The following NRXN3 variants were observed in gnomAD, a reference collection of about 807,000 sequenced individuals.
NRXN3 encodes the protein neurexin III.
Under a neutral mutation model 137.6 loss-of-function variants are expected in NRXN3, and 32 were observed. The observed-to-expected ratio is 0.23, with a 90% confidence interval of 0.18 to 0.31. NRXN3 has a LOEUF of 0.31. NRXN3 is among the 10% of genes least tolerant of loss of function. NRXN3 has a pLI of 1.00. For synonymous variants in NRXN3, 798 were observed against 784.5 expected (o/e 1.02, Z -0.29); for missense variants, 1,574 against 2,062.5 (o/e 0.76, Z 4.59).
intron 17 of NRXN3, among the ~76,000 whole-genome samples, chr14:79,672,129 A>G (rs1334218825): frequency 6.6e-6 from 1 of 152,050 alleles, no homozygotes; most frequent in Non-Finnish European, 1.5e-5. Flanking sequence ...TGTTGAGCAA[A>G]AGAATAATTT....
chr14:78,851,817 A>G (rs1018775741), intron 10 of NRXN3, among the ~76,000 whole-genome samples: 4 of 152,204 alleles, frequency 2.6e-5, no homozygotes, highest in Non-Finnish European at 5.9e-5. Context: ...GCAGAACTGT[A>G]TTTTAAATAT....
At chr14:78,403,957 A>G (rs1598299134) in intron 4 of NRXN3, 1 of 877,346 alleles carries the variant, frequency 1.1e-6, no homozygotes, top group African/African-American at 1.8e-5. Flanking sequence ...TTTGCCTTAC[A>G]TTGGATGTAT....
At chr14:78,201,184 G>T (rs1025596374) in intron 1 of NRXN3, among the ~76,000 whole-genome samples, 2 of 152,186 alleles carry the variant, frequency 1.3e-5, no homozygotes, top group Non-Finnish European at 2.9e-5. Flanking sequence ...GAAGACTCTG[G>T]ACCCTGATTT....
rs1157344593 is a variant in NRXN3, at chr14:78,709,388, A to G, written c.1393A>G (p.Thr465Ala). 9 of 1,614,174 alleles carry G rather than the reference A, an allele frequency of 5.6e-6. No individual in the cohort carries two copies. Among genetic ancestry groups the G allele is most frequent in the Non-Finnish European group, 7.6e-6 (9 of 1,180,026 alleles). The change falls in exon 7 of 21, where the codon ACT becomes GCT. Residue 465 changes from threonine (T) to alanine (A), a missense_variant. By Grantham distance (58) the Thr-to-Ala change is moderately conservative. Around this residue, in one of 5 missense-constraint regions of NRXN3, gnomAD observed 718 missense variants for 887.6 expected, o/e 0.81. Coordinates refer to ENST00000335750, the MANE Select transcript of NRXN3 (RefSeq NM_001330195.2). ...EAYISLPKWNTKRMGSISFDF... is the reference protein window; with the variant it reads ...EAYISLPKWNAKRMGSISFDF... ...TTACATCAGCTTGCCCAAGTGGAAC[A>G]CTAAACGTATGGGCTCCATCTCCTT...
chr14:79,861,239 G>A lies in NRXN3; in HGVS notation c.4094-103G>A, dbSNP rs2099413385. 8.5e-6 allele frequency: 13 copies of A among 1,535,414 alleles called. No homozygotes were observed. Among genetic ancestry groups the A allele is most frequent in the Non-Finnish European group, 1.1e-5 (13 of 1,146,572 alleles). On this transcript the variant is annotated intron_variant, in intron 20 of 20. Coordinates refer to ENST00000335750, the MANE Select transcript of NRXN3 (RefSeq NM_001330195.2). This position sits in a 1 kb window ranked among gnomAD's most constrained non-coding sequence, Gnocchi z 5.4. ...CCAAGGCAGCGATGGTTGTGATGATGATGGCTTGGTGATATCTGGGTATGG... is the reference window on the plus strand; with the variant it reads ...CCAAGGCAGCGATGGTTGTGATGATAATGGCTTGGTGATATCTGGGTATGG...
intron 15 of NRXN3, among the ~76,000 whole-genome samples, chr14:79,130,267 C>G (rs1223264506): frequency 6.6e-6 from 1 of 151,774 alleles, no homozygotes; most frequent in East Asian, 1.9e-4. Flanking sequence ...CAGTTTCTTC[C>G]TAGTCTCGAT....
chr14:79,149,061 C>G (rs2059562643), intron 15 of NRXN3, among the ~76,000 whole-genome samples: 1 of 152,088 alleles, frequency 6.6e-6, no homozygotes, highest in South Asian at 2.1e-4. Flanking sequence ...GGGTGAAAAC[C>G]TCACATGAGT....
At position 78,213,424 on chromosome 14, in the gene NRXN3, A is replaced by T. The variant is rs117950073; in HGVS notation, c.-703-28967A>T. 8.7e-4 allele frequency among the ~76,000 whole-genome samples: 132 copies of T among 152,090 alleles called. 2 individuals carry two copies. The East Asian group carries it at 0.025, about 29-fold the overall frequency. On this transcript the variant is annotated intron_variant, in intron 1 of 20. Transcript: ENST00000335750. ...AGCAGGAAGGAGGGAGAGTGTTCAG[A>T]CCTTGATGCACACCTGACTCCAGTG... is the stretch of plus-strand genomic sequence containing the variant.
intron 5 of NRXN3, 146 bp downstream of exon 5, chr14:78,645,567 CA>C: frequency 4.4e-6 from 2 of 450,926 alleles, no homozygotes; most frequent in South Asian, 6.9e-5. Flanking sequence ...CCAGTCTTTG[CA>C]ATTTCACGTG....
At chr14:78,345,288 T>C (rs2082596973) in intron 4 of NRXN3, among the ~76,000 whole-genome samples, 1 of 152,192 alleles carries the variant, frequency 6.6e-6, no homozygotes. Flanking sequence ...GGCAGCAATA[T>C]TTCTCACAGT....
chr14:79,693,662 T>C (rs563341942), intron 18 of NRXN3, among the ~76,000 whole-genome samples: 58 of 151,998 alleles, frequency 3.8e-4, no homozygotes, highest in Non-Finnish European at 8.1e-4. Context: ...GCATTTTCAT[T>C]TGTATAAACC....
chr14:78,431,387 A>C (rs2093873227), intron 4 of NRXN3, among the ~76,000 whole-genome samples: 1 of 152,228 alleles, frequency 6.6e-6, no homozygotes, highest in Admixed American at 6.5e-5. Context: ...TACTGTATGC[A>C]ATGTGATGTT....
intron 4 of NRXN3, among the ~76,000 whole-genome samples, chr14:78,516,248 G>T (rs17756639): frequency 2.0e-5 from 3 of 151,082 alleles, no homozygotes; most frequent in African/African-American, 7.3e-5. Flanking sequence ...TTCAAAAAGC[G>T]TAAAGATTTG....
chr14:78,662,791 G>T (rs990966570), intron 6 of NRXN3, among the ~76,000 whole-genome samples: 1 of 152,158 alleles, frequency 6.6e-6, no homozygotes, highest in Non-Finnish European at 1.5e-5. Context: ...TTATTGGGTT[G>T]CCCTTGTGGT....
intron 4 of NRXN3, among the ~76,000 whole-genome samples, chr14:78,362,458 G>A (rs2085272331): frequency 6.6e-6 from 1 of 152,038 alleles, no homozygotes; most frequent in South Asian, 2.1e-4. Flanking sequence ...AATAATTAAT[G>A]CCTCTCCTTT....
At chr14:79,134,977 A>G (rs563088350) in intron 15 of NRXN3, among the ~76,000 whole-genome samples, 2 of 152,378 alleles carry the variant, frequency 1.3e-5, no homozygotes, top group African/African-American at 2.4e-5. Context: ...TAGAACTAAT[A>G]TAAAACTATT....
intron 14 of NRXN3, among the ~76,000 whole-genome samples, chr14:78,982,989 C>A (rs1396115036): frequency 1.3e-5 from 2 of 152,066 alleles, no homozygotes; most frequent in Non-Finnish European, 2.9e-5. Flanking sequence ...TAACTAGACA[C>A]TTCTTAAAAG....
At chr14:78,621,106 A>T (rs1229293856) in intron 4 of NRXN3, among the ~76,000 whole-genome samples, 1 of 152,230 alleles carries the variant, frequency 6.6e-6, no homozygotes. Context: ...GTTCAGTCTC[A>T]TTACAGGACT....
At position 79,766,990 on chromosome 14, in the gene NRXN3, C is replaced by T. The variant is rs147843836; in HGVS notation, c.4015-38122C>T. On this transcript the variant is annotated intron_variant, in intron 19 of 20. Transcript: ENST00000335750. Reference sequence around the variant, plus strand: ...TAGATGGCAGAGACCCCTGGATCACCGTGATACTTATGACACTACTTGCTC... The same window carrying T: ...TAGATGGCAGAGACCCCTGGATCACTGTGATACTTATGACACTACTTGCTC... Among the ~76,000 whole-genome samples the T allele has an allele frequency of 4.6e-5, 7 of 152,292 alleles. No homozygotes were observed. The East Asian group carries it at 9.6e-4, about 21-fold the overall frequency.
Sources: gnomAD v4.1 joint callset for allele counts (sites outside exome capture counted in the v4.1 genomes callset) on GRCh38, gnomAD v4.1.1 for gene constraint, gnomAD v4.1.1 regional missense constraint, Gnocchi (gnomAD v3.1) non-coding constraint, MANE v1.5 for transcripts, NCBI Gene and HGNC (gene_info 2026-07-23, HGNC 2026-07-21) for gene names.